The following CYTH3 variants were observed in gnomAD, a reference collection of about 807,000 sequenced individuals.
The protein encoded by CYTH3 is cytohesin 3.
Under a neutral mutation model 55.1 loss-of-function variants are expected in CYTH3, and 23 were observed. The ratio of observed to expected loss-of-function variants is 0.42; its 90% CI spans 0.30 to 0.59. CYTH3 has a LOEUF of 0.59. CYTH3 is among the 20% of genes least tolerant of loss of function. The pLI is 0.20. For missense variants in CYTH3, 413 were observed against 524.8 expected (o/e 0.79, Z 2.08); for synonymous variants, 249 against 194.9 (o/e 1.28, Z -2.31).
chr7:6,175,091 T>TGAATTCAG (rs1783309358), intron 5 of CYTH3, among the ~76,000 whole-genome samples: 1 of 152,194 alleles, frequency 6.6e-6, no homozygotes, highest in Non-Finnish European at 1.5e-5. Context: ...TACATCTAGA[T>TGAATTCAG]TATATAAGGA....
intron 1 of CYTH3, among the ~76,000 whole-genome samples, chr7:6,210,114 A>G (rs552956557): frequency 2.6e-5 from 4 of 152,282 alleles, no homozygotes; most frequent in Admixed American, 2.6e-4. Context: ...TTCAGTTAGT[A>G]ACAAGGTATC....
chr7:6,178,605 T>C (rs1466095512), intron 4 of CYTH3, among the ~76,000 whole-genome samples: 1 of 152,262 alleles, frequency 6.6e-6, no homozygotes, highest in African/African-American at 2.4e-5. Context: ...AACCCTGAGA[T>C]GTGTACAGGG....
At chr7:6,254,115 G>A (rs923098068) in intron 1 of CYTH3, among the ~76,000 whole-genome samples, 12 of 152,098 alleles carry the variant, frequency 7.9e-5, no homozygotes, top group Non-Finnish European at 1.8e-4. Flanking sequence ...CCGGGAGACG[G>A]AGGTTGAAGT....
chr7:6,180,135 G>A lies in CYTH3; in HGVS notation c.250-2194C>T, dbSNP rs1177881562. Among the ~76,000 whole-genome samples the A allele has an allele frequency of 3.9e-5, 6 of 152,174 alleles. No homozygotes were observed. In the South Asian group the frequency reaches 6.2e-4, roughly 16 times the overall value. ...GGAGGAGAGACAGGACACCCTGAGG[G>A]ATCACTAGTTGTCCTGTCATCTCTG... is the stretch of plus-strand genomic sequence containing the variant. On this transcript the variant is annotated intron_variant, in intron 4 of 12. Transcript: ENST00000350796.
intron 1 of CYTH3, 23 bp downstream of exon 1, chr7:6,272,450 GC>G: frequency 7.5e-7 from 1 of 1,327,230 alleles, no homozygotes. Context: ...CCGCCGGCGA[GC>G]CCACCACACC....
chr7:6,270,714 G>A (rs1352886761), intron 1 of CYTH3, among the ~76,000 whole-genome samples: 1 of 152,068 alleles, frequency 6.6e-6, no homozygotes, highest in Non-Finnish European at 1.5e-5. Context: ...ATCTTTATAC[G>A]TGAGGGGTTT....
chr7:6,204,777 C>T lies in CYTH3; in HGVS notation c.35-14246G>A, dbSNP rs1784146043. 4.6e-5 allele frequency among the ~76,000 whole-genome samples: 7 copies of T among 152,200 alleles called. No homozygotes were observed. The South Asian group carries it at 1.4e-3, about 31-fold the overall frequency. ...TCCTGCTCAAAATACTTAGAGTGCT[C>T]TATGTTTCCTGTATCGAACTATAAC... On this transcript the variant is annotated intron_variant, in intron 1 of 12. Transcript: ENST00000350796.
At chr7:6,173,293 T>C (rs1447068572) in intron 6 of CYTH3, among the ~76,000 whole-genome samples, 1 of 152,082 alleles carries the variant, frequency 6.6e-6, no homozygotes, top group African/African-American at 2.4e-5. Flanking sequence ...GTTTGGTGCT[T>C]TGGGTCAAGT....
At chr7:6,181,662 G>C (rs775261707) in intron 4 of CYTH3, among the ~76,000 whole-genome samples, 2 of 152,104 alleles carry the variant, frequency 1.3e-5, no homozygotes, top group Admixed American at 6.6e-5. Flanking sequence ...ATTTTTCTTA[G>C]TTCTAAAATA....
chr7:6,242,730 G>C (rs1779707507), intron 1 of CYTH3, among the ~76,000 whole-genome samples: 2 of 152,052 alleles, frequency 1.3e-5, no homozygotes, highest in African/African-American at 4.8e-5. Context: ...AGGCCTAAAG[G>C]GGGATGAGCT....
At chr7:6,256,525 CA>C (rs1734403715) in intron 1 of CYTH3, among the ~76,000 whole-genome samples, 3 of 152,156 alleles carry the variant, frequency 2.0e-5, no homozygotes, top group Admixed American at 1.3e-4. Flanking sequence ...CGCTCTTCAC[CA>C]GAATCATAAT....
At chr7:6,204,411 C>T (rs534842618) in intron 1 of CYTH3, among the ~76,000 whole-genome samples, 12 of 152,298 alleles carry the variant, frequency 7.9e-5, no homozygotes, top group African/African-American at 2.9e-4. Flanking sequence ...AGGCAGTGTA[C>T]AGGATTCAAA....
intron 1 of CYTH3, among the ~76,000 whole-genome samples, chr7:6,220,863 G>A (rs935651717): frequency 1.3e-5 from 2 of 152,192 alleles, no homozygotes; most frequent in African/African-American, 4.8e-5. Context: ...AGGCGTGGTG[G>A]CGGGCACCTG....
intron 1 of CYTH3, among the ~76,000 whole-genome samples, chr7:6,237,187 A>G (rs1779545762): frequency 6.6e-6 from 1 of 152,220 alleles, no homozygotes; most frequent in South Asian, 2.1e-4. Context: ...CTGTCTTCTC[A>G]ATCCACTTTT....
chr7:6,221,609 C>T (rs1784555487), intron 1 of CYTH3, among the ~76,000 whole-genome samples: 1 of 152,030 alleles, frequency 6.6e-6, no homozygotes, highest in Admixed American at 6.6e-5. Flanking sequence ...TAAGATGTAA[C>T]CAGTGTGAGG....
At chr7:6,212,110 C>CT (rs1784332036) in intron 1 of CYTH3, among the ~76,000 whole-genome samples, 1 of 152,186 alleles carries the variant, frequency 6.6e-6, no homozygotes, top group Non-Finnish European at 1.5e-5. Context: ...AACCATCCTT[C>CT]TACTCTCTAT....
chr7:6,180,386 G>A (rs559090543), intron 4 of CYTH3, among the ~76,000 whole-genome samples: 4 of 152,334 alleles, frequency 2.6e-5, no homozygotes, highest in South Asian at 2.1e-4. Flanking sequence ...GAAGCTCTGC[G>A]TTCAATCACA....
intron 2 of CYTH3, chr7:6,188,627 G>A (rs1036808861): frequency 6.6e-6 from 1 of 152,308 alleles, no homozygotes; most frequent in African/African-American, 2.4e-5. Flanking sequence ...AACTGACTCA[G>A]GGCACTCAGA....
intron 1 of CYTH3, among the ~76,000 whole-genome samples, chr7:6,253,897 G>A (rs2115051054): frequency 6.6e-6 from 1 of 152,032 alleles, no homozygotes; most frequent in East Asian, 1.9e-4. Flanking sequence ...GGAGGGTGAG[G>A]CAGGAGAATC....
Sources: gnomAD v4.1 joint callset for allele counts (sites outside exome capture counted in the v4.1 genomes callset) on GRCh38, gnomAD v4.1.1 for gene constraint, MANE v1.5 for transcripts, NCBI Gene and HGNC (gene_info 2026-07-23, HGNC 2026-07-21) for gene names.